Variants in LRRC32 observed in about 807,000 individuals in gnomAD.
LRRC32 encodes the protein transforming growth factor beta activator LRRC32.
Under a neutral mutation model 15.0 loss-of-function variants are expected in LRRC32, and 5 were observed. That is an observed-to-expected ratio of 0.33 (90% CI 0.17 to 0.70). The LOEUF is 0.70. LRRC32 is among the 30% of genes least tolerant of loss of function. The probability of loss-of-function intolerance (pLI) is 0.66; values close to 1 mark genes in which losing one functional copy is unlikely to be tolerated. For missense variants in LRRC32, 803 were observed against 854.2 expected (o/e 0.94, Z 0.75); for synonymous variants, 391 against 403.9 (o/e 0.97, Z 0.38).
rs370357894 is a variant in LRRC32, at chr11:76,661,494, G to C, written c.99C>G (p.Val33=). 6.5e-5 allele frequency: 103 copies of C among 1,593,728 alleles called. 1 individual carries two copies. The East Asian group carries it at 1.1e-3, about 17-fold the overall frequency. ...GGAGCAGGCCCAGAACCTGGCACGA[G>C]ACCTTCTTGTCCACCTGGGGAGGGG... The part of the protein sequence containing the change: ...KVPCKMVDKK[V]SCQVLGLLQV... The change falls in exon 3 of 3, where the codon GTC becomes GTG. Residue 33 remains valine, a synonymous_variant. Transcript: ENST00000260061.
At chr11:76,664,351 G>A (rs1205787418) in intron 2 of LRRC32, among the ~76,000 whole-genome samples, 5 of 152,200 alleles carry the variant, frequency 3.3e-5, no homozygotes, top group Admixed American at 2.0e-4. Context: ...CCACTTCCAG[G>A]GTCTTCATGC....
At position 76,657,791 on chromosome 11, in the gene LRRC32, C is replaced by T. The variant is rs969500821; in HGVS notation, c.*1813G>A. 10 of 152,458 alleles carry T rather than the reference C, an allele frequency of 6.6e-5. No individual in the cohort carries two copies. The highest frequency in any genetic ancestry group is 2.2e-4 in the African/African-American group (9 of 41,456). 9.4% of individuals were successfully genotyped at this position (152,458 alleles called of 1,614,324 possible). On this transcript the variant is annotated 3_prime_UTR_variant, in exon 3 of 3. Coordinates refer to ENST00000260061, the MANE Select transcript of LRRC32 (RefSeq NM_001128922.2). ...GCCTAGCCCTGGCTCTGCCCATTGACTCTCCCTTAACTTCCTCTGGGCCTT... is the reference window on the plus strand; with the variant it reads ...GCCTAGCCCTGGCTCTGCCCATTGATTCTCCCTTAACTTCCTCTGGGCCTT...
rs199860849 is a variant in LRRC32, at chr11:76,660,555, G to A, written c.1038C>T (p.Leu346=). The change falls in exon 3 of 3, where the codon CTC becomes CTT. Residue 346 remains leucine, a synonymous_variant. Coordinates refer to ENST00000260061, the MANE Select transcript of LRRC32 (RefSeq NM_001128922.2). ...EHLTSLCFLN[L]SRNCLRTFEA... ...CAAAGGTCCGCAAGCAGTTTCTGCT[G>A]AGGTTCAGGAAGCACAGGGAGGTCA... 37 of 1,614,210 alleles carry A rather than the reference G, an allele frequency of 2.3e-5. No individual in the cohort carries two copies. The highest frequency in any genetic ancestry group is 3.1e-5 in the Non-Finnish European group (36 of 1,180,032).
At position 76,659,401 on chromosome 11, in the gene LRRC32, TTCTGGCTTCCACAGCTGGA is replaced by T. The variant is rs1305781966; in HGVS notation, c.*184_*202del. 2 of 586,212 alleles carry T rather than the reference TTCTGGCTTCCACAGCTGGA, an allele frequency of 3.4e-6. No homozygotes were observed. The highest frequency in any genetic ancestry group is 5.7e-5 in the East Asian group (2 of 35,386). 36.3% of individuals were successfully genotyped at this position (586,212 alleles called of 1,614,324 possible). On this transcript the variant is annotated 3_prime_UTR_variant, in exon 3 of 3. Transcript: ENST00000260061. Reference sequence around the variant, plus strand: ...TCGGCTGTCCCTGAAACCGCCCAACTTCTGGCTTCCACAGCTGGACCCAAAGTGCAGCCCGGGAAGGGGG... The same window carrying T: ...TCGGCTGTCCCTGAAACCGCCCAACTCCCAAAGTGCAGCCCGGGAAGGGGG...
intron 1 of LRRC32, 150 bp downstream of exon 1, chr11:76,670,464 A>T (rs868223178): frequency 6.6e-6 from 1 of 152,252 alleles, no homozygotes; most frequent in Non-Finnish European, 1.5e-5. Context: ...AGGGAGGGTC[A>T]GCCCCGGCTC....
chr11:76,660,980 A>T lies in LRRC32; in HGVS notation c.613T>A (p.Ser205Thr). ...GLPRLTHLNL[S>T]RNSLTCISDF... ...GAGATGCAGGTGAGGGAATTCCTGG[A>T]GAGGTTGAGATGGGTCAGGCGGGGC... The change falls in exon 3 of 3, where the codon TCC becomes ACC. Residue 205 changes from serine (S) to threonine (T), a missense_variant. By Grantham distance (58) the Ser-to-Thr change is moderately conservative (BLOSUM62 1). Coordinates refer to ENST00000260061, the MANE Select transcript of LRRC32 (RefSeq NM_001128922.2). 1 of 1,614,048 alleles carries T rather than the reference A, an allele frequency of 6.2e-7. No individual in the cohort carries two copies. The highest frequency in any genetic ancestry group is 2.2e-5 in the East Asian group (1 of 44,874).
chr11:76,670,017 G>A (rs1952685790), intron 1 of LRRC32: 1 of 152,372 alleles, frequency 6.6e-6, no homozygotes, highest in Non-Finnish European at 1.5e-5. Flanking sequence ...GTCAAGCAGT[G>A]AATCACTAAG....
rs1437803351 is a variant in LRRC32, at chr11:76,660,142, C to T, written c.1451G>A (p.Gly484Glu). 3.7e-6 allele frequency: 6 copies of T among 1,606,576 alleles called. No homozygotes were observed. Among genetic ancestry groups the T allele is most frequent in the Non-Finnish European group, 5.1e-6 (6 of 1,176,606 alleles). The change falls in exon 3 of 3, where the codon GGG (glycine) becomes GAG (glutamate). Residue 484 changes from glycine (G) to glutamate (E), a missense_variant. By Grantham distance (98) the Gly-to-Glu change is moderately conservative (BLOSUM62 -2). Transcript: ENST00000260061. ...SSNPGLEVAT[G>E]ALGGLEASLE... ...GGAGGCCTCCAGGCCTCCCAAGGCC[C>T]CCGTGGCCACCTCCAGCCCAGGATT...
intron 2 of LRRC32, 62 bp downstream of exon 2, chr11:76,665,809 T>C (rs1166593278): frequency 1.2e-6 from 2 of 1,603,504 alleles, no homozygotes; most frequent in Non-Finnish European, 1.7e-6. Flanking sequence ...GCTGGGGCAC[T>C]AGCACACCCT....
chr11:76,662,476 G>A lies in LRRC32; in HGVS notation c.85-968C>T, dbSNP rs537627923. Among the ~76,000 whole-genome samples, 7 of 152,268 alleles carry A rather than the reference G, an allele frequency of 4.6e-5. No homozygotes were observed. The South Asian group carries it at 8.3e-4, about 18-fold the overall frequency. Reference sequence around the variant, plus strand: ...ATCTAGGCTCAGGGAGGGGAAGGGAGGTGCCAGGATTGCCCAGCTGGTGAG... The same window carrying A: ...ATCTAGGCTCAGGGAGGGGAAGGGAAGTGCCAGGATTGCCCAGCTGGTGAG... On this transcript the variant is annotated intron_variant, in intron 2 of 2. Coordinates refer to ENST00000260061, the MANE Select transcript of LRRC32 (RefSeq NM_001128922.2).
At position 76,665,880 on chromosome 11, in the gene LRRC32, G is replaced by A; in HGVS notation, c.75C>T (p.Pro25=). 2 of 1,614,050 alleles carry A rather than the reference G, an allele frequency of 1.2e-6. No homozygotes were observed. Among genetic ancestry groups the A allele is most frequent in the Non-Finnish European group, 1.7e-6 (2 of 1,179,958 alleles). ...GGGCAGAGCATCTTACCATCTTACA[G>A]GGCACTTTGTCTTGGTGTTGTGCAG... ...GLAAQHQDKV[P]CKMVDKKVSC... The change falls in exon 2 of 3, where the codon CCC becomes CCT. Residue 25 remains proline, a synonymous_variant. Coordinates refer to ENST00000260061, the MANE Select transcript of LRRC32 (RefSeq NM_001128922.2).
At chr11:76,665,739 C>T (rs1590770955) in intron 2 of LRRC32, 132 bp downstream of exon 2, 2 of 1,300,258 alleles carry the variant, frequency 1.5e-6, no homozygotes, top group East Asian at 2.4e-5. Flanking sequence ...AGTAGGTGCT[C>T]ATTAAATGCA....
At chr11:76,665,736 G>A in intron 2 of LRRC32, 135 bp downstream of exon 2, 2 of 1,253,588 alleles carry the variant, frequency 1.6e-6, no homozygotes, top group South Asian at 2.8e-5. Flanking sequence ...TCTAGTAGGT[G>A]CTCATTAAAT....
Position 76,659,628 on chromosome 11 carries a change from C to T in LRRC32, c.1965G>A (p.Lys655=). 6.2e-7 allele frequency: 1 copy of T among 1,614,138 alleles called. No individual in the cohort carries two copies. The change falls in exon 3 of 3, where the codon AAG becomes AAA. Residue 655 remains lysine (K), a synonymous_variant. Transcript: ENST00000260061. ...TTTAGGCTTTATACTGTTGGTTAAA[C>T]TTCTGCCGGCGGACGCAGCAGCAGG... ...LAACCCVRRQ[K]FNQQYKA is the part of the protein sequence containing the mutation.
At position 76,667,448 on chromosome 11, in the gene LRRC32, G is replaced by T. The variant is rs1049090475; in HGVS notation, c.-4-1490C>A. Among the ~76,000 whole-genome samples the T allele has an allele frequency of 7.2e-5, 11 of 152,204 alleles. No individual in the cohort carries two copies. In the South Asian group the frequency reaches 2.3e-3, roughly 31 times the overall value. On this transcript the variant is annotated intron_variant, in intron 1 of 2. Transcript: ENST00000260061. ...CAGGGCATTTGAGGGCAGTGTCTTTGACTGTTGGAACCCGCTAGTGATGAG... is the reference window on the plus strand; with the variant it reads ...CAGGGCATTTGAGGGCAGTGTCTTTTACTGTTGGAACCCGCTAGTGATGAG...
chr11:76,669,375 G>GTA (rs1952675461), intron 1 of LRRC32, among the ~76,000 whole-genome samples: 1 of 148,852 alleles, frequency 6.7e-6, no homozygotes, highest in African/African-American at 2.5e-5. Flanking sequence ...GTGTGTGTGT[G>GTA]TGTGTGTGTG....
chr11:76,666,111 C>T (rs1952622020), intron 1 of LRRC32, 153 bp from the exon 2 acceptor site: 1 of 667,104 alleles, frequency 1.5e-6, no homozygotes, highest in Admixed American at 2.6e-5. Context: ...GGCAGAGAGC[C>T]AGGTGGGAAA....
At chr11:76,665,818 C>G in intron 2 of LRRC32, 53 bp downstream of exon 2, 6 of 1,611,788 alleles carry the variant, frequency 3.7e-6, no homozygotes, top group Non-Finnish European at 5.1e-6. Context: ...CTAGCACACC[C>G]TAGGGCAGGG....
intron 1 of LRRC32, among the ~76,000 whole-genome samples, chr11:76,667,533 C>T (rs573396938): frequency 1.5e-4 from 23 of 152,366 alleles, no homozygotes; most frequent in Middle Eastern, 3.4e-3. Flanking sequence ...AGACCACAGC[C>T]GGACCCGGTA....
Sources: allele counts gnomAD v4.1 joint callset (sites outside exome capture counted in the v4.1 genomes callset), GRCh38; gene constraint gnomAD v4.1.1; transcripts MANE v1.5; gene names NCBI Gene and HGNC (gene_info 2026-07-23, HGNC 2026-07-21).